WWOX: variants seen among roughly 807,000 people sequenced by gnomAD.
WWOX encodes the protein WW domain containing oxidoreductase.
Under a neutral mutation model 46.2 loss-of-function variants are expected in WWOX, and 69 were observed. The ratio of observed to expected loss-of-function variants is 1.49; its 90% CI spans 1.23 to 1.82. The LOEUF is 1.82. Among genes scored for constraint, WWOX ranks in the 40% most tolerant of loss-of-function variants. The pLI is 0.00. For missense variants in WWOX, 919 were observed against 542.6 expected, an observed-to-expected ratio of 1.69 and a Z score of -6.89; for synonymous variants, 359 against 202.6, an observed-to-expected ratio of 1.77 and a Z score of -6.56.
intron 5 of WWOX, among the ~76,000 whole-genome samples, chr16:78,362,341 G>A (rs1379733764): frequency 6.6e-6 from 1 of 152,234 alleles, no homozygotes; most frequent in South Asian, 2.1e-4. Context: ...AGGCATTACA[G>A]GCTTAAGCCT....
chr16:79,091,081 C>G (rs764171631), intron 8 of WWOX, among the ~76,000 whole-genome samples: 4 of 152,168 alleles, frequency 2.6e-5, no homozygotes, highest in Admixed American at 2.6e-4. Flanking sequence ...AGCCACCGCT[C>G]CAGGCCTAGA....
intron 8 of WWOX, chr16:78,825,998 A>G (rs577589806): frequency 4.5e-6 from 3 of 660,842 alleles, no homozygotes; most frequent in South Asian, 2.9e-5. Flanking sequence ...GCCAGTCCCC[A>G]TAGCATAACG....
At position 78,570,399 on chromosome 16, in the gene WWOX, C is replaced by G. The variant is rs145743142; in HGVS notation, c.1056+137647C>G. Among the ~76,000 whole-genome samples, 6 of 152,308 alleles carry G rather than the reference C, an allele frequency of 3.9e-5. No homozygotes were observed. The East Asian group carries it at 7.7e-4, about 20-fold the overall frequency. On this transcript the variant is annotated intron_variant, in intron 8 of 8. Transcript: ENST00000566780. Reference sequence around the variant, plus strand: ...TCATAACTCACTGCAGCCTCGGTCTCCTGGGCTGAAGCGATCCTCATGCCT... The same window carrying G: ...TCATAACTCACTGCAGCCTCGGTCTGCTGGGCTGAAGCGATCCTCATGCCT...
At chr16:78,705,167 C>G (rs1449719646) in intron 8 of WWOX, among the ~76,000 whole-genome samples, 1 of 152,172 alleles carries the variant, frequency 6.6e-6, no homozygotes, top group African/African-American at 2.4e-5. Context: ...AAGCCAACCA[C>G]TTATATTTTC....
At chr16:79,163,262 G>A (rs1017066618) in intron 8 of WWOX, among the ~76,000 whole-genome samples, 3 of 152,144 alleles carry the variant, frequency 2.0e-5, no homozygotes, top group South Asian at 2.1e-4. Flanking sequence ...AAAGAGAAAA[G>A]AAATAAACAT....
chr16:78,335,940 A>G (rs1185537149), intron 5 of WWOX, among the ~76,000 whole-genome samples: 2 of 152,038 alleles, frequency 1.3e-5, no homozygotes, highest in East Asian at 3.9e-4. Flanking sequence ...AAAAATATAA[A>G]AATTTGCCGG....
At chr16:79,004,885 T>G (rs1015916953) in intron 8 of WWOX, among the ~76,000 whole-genome samples, 25 of 152,146 alleles carry the variant, frequency 1.6e-4, no homozygotes, top group Non-Finnish European at 2.6e-4. Context: ...TTTGTAATTT[T>G]GGGGGGGTTA....
chr16:78,967,084 T>C (rs1293431259), intron 8 of WWOX, among the ~76,000 whole-genome samples: 1 of 152,144 alleles, frequency 6.6e-6, no homozygotes, highest in East Asian at 1.9e-4. Flanking sequence ...TCTAGAACTT[T>C]CCCCATAGTC....
intron 8 of WWOX, among the ~76,000 whole-genome samples, chr16:78,666,828 A>G (rs921392772): frequency 1.3e-5 from 2 of 152,192 alleles, no homozygotes; most frequent in African/African-American, 4.8e-5. Context: ...TTTACATTTA[A>G]TTTTCATGCC....
chr16:78,775,591 T>G (rs991056536), intron 8 of WWOX, among the ~76,000 whole-genome samples: 9 of 152,046 alleles, frequency 5.9e-5, no homozygotes, highest in Non-Finnish European at 4.4e-5. Flanking sequence ...GGTGTTTCAC[T>G]CCCCCACCTC....
intron 8 of WWOX, among the ~76,000 whole-genome samples, chr16:78,723,291 A>C (rs538342766): frequency 2.6e-5 from 4 of 152,292 alleles, no homozygotes; most frequent in African/African-American, 9.6e-5. Flanking sequence ...GAAAACTCCC[A>C]GCATCATGAA....
chr16:79,107,599 G>A (rs1403772857), intron 8 of WWOX, among the ~76,000 whole-genome samples: 2 of 152,032 alleles, frequency 1.3e-5, no homozygotes, highest in East Asian at 3.9e-4. Context: ...CTTTGCTGGA[G>A]GCAGATCACA....
At chr16:78,854,260 A>G (rs1049408666) in intron 8 of WWOX, among the ~76,000 whole-genome samples, 5 of 152,336 alleles carry the variant, frequency 3.3e-5, no homozygotes, top group African/African-American at 1.2e-4. Context: ...TTTATTTTAG[A>G]TAAAATGAAA....
rs376925992 is a variant in WWOX at position 78,753,331 on chromosome 16, AAAAG to A, written c.1056+320590_1056+320593del. ...GAGACTCCGTCTCAAAAAAAAAGAAAAAAGAAAGAAAGAACCTCTTAGGCAACTC... is the reference window on the plus strand; with the variant it reads ...GAGACTCCGTCTCAAAAAAAAAGAAAAAAGAAAGAACCTCTTAGGCAACTC... On this transcript the variant is annotated intron_variant, in intron 8 of 8. Transcript: ENST00000566780. 1.1e-4 allele frequency among the ~76,000 whole-genome samples: 16 copies of A among 152,184 alleles called. No individual in the cohort carries two copies. In the East Asian group the frequency reaches 2.7e-3, roughly 26 times the overall value.
intron 3 of WWOX, 30 bp downstream of exon 3, chr16:78,109,865 C>G (rs1243054844): frequency 6.2e-7 from 1 of 1,613,502 alleles, no homozygotes; most frequent in Admixed American, 1.7e-5. Context: ...CCACTCTCAG[C>G]TGTTTTGCTT....
At chr16:78,476,470 G>C (rs1475233993) in intron 8 of WWOX, among the ~76,000 whole-genome samples, 1 of 152,110 alleles carries the variant, frequency 6.6e-6, no homozygotes, top group Non-Finnish European at 1.5e-5. Flanking sequence ...GTGCGGGGAG[G>C]GGAGAGGGAT....
intron 8 of WWOX, among the ~76,000 whole-genome samples, chr16:79,050,992 G>T (rs11647906): frequency 6.6e-6 from 1 of 152,086 alleles, no homozygotes; most frequent in East Asian, 1.9e-4. Flanking sequence ...ACAAGACACT[G>T]ACCCAAATCA....
chr16:78,582,671 C>A (rs187601180), intron 8 of WWOX, among the ~76,000 whole-genome samples: 67 of 152,244 alleles, frequency 4.4e-4, no homozygotes, highest in Admixed American at 3.9e-3. Flanking sequence ...TTAGTCATTC[C>A]TGGTGGGTGA....
Position 78,468,241 on chromosome 16 carries a change from G to A in WWOX, c.1056+35489G>A, listed in dbSNP as rs574935991. On this transcript the variant is annotated intron_variant, in intron 8 of 8. Transcript: ENST00000566780. Reference sequence around the variant, plus strand: ...AGACCTGATATGCTTTGTTAGCTTAGCATGCTGTTCTAGGCTGCCTTTCTT... The same window carrying A: ...AGACCTGATATGCTTTGTTAGCTTAACATGCTGTTCTAGGCTGCCTTTCTT... Among the ~76,000 whole-genome samples the A allele has an allele frequency of 4.6e-5, 7 of 151,332 alleles. No individual in the cohort carries two copies. In the East Asian group the frequency reaches 5.8e-4, roughly 13 times the overall value.
Sources: gnomAD v4.1 joint callset for allele counts (sites outside exome capture counted in the v4.1 genomes callset) on GRCh38, gnomAD v4.1.1 for gene constraint, MANE v1.5 for transcripts, NCBI Gene and HGNC (gene_info 2026-07-23, HGNC 2026-07-21) for gene names.